Variants in RHBDF2 observed in about 807,000 individuals in gnomAD.
The protein encoded by RHBDF2 is inactive rhomboid protein 2.
Under a neutral mutation model 95.2 loss-of-function variants are expected in RHBDF2, and 38 were observed. That is an observed-to-expected ratio of 0.40 (90% CI 0.31 to 0.52). The LOEUF (loss-of-function observed/expected upper bound fraction) is 0.52, where lower values mean the gene tolerates loss of function less well. Among genes scored for constraint, RHBDF2 ranks in the 20% least tolerant of loss-of-function variants. RHBDF2 has a pLI of 0.56. For missense variants in RHBDF2, 863 were observed against 1,137.7 expected (o/e 0.76, Z 3.47); for synonymous variants, 442 against 462.0 (o/e 0.96, Z 0.55).
At chr17:76,472,928 C>T in intron 17 of RHBDF2, 77 bp downstream of exon 17, 2 of 1,595,256 alleles carry the variant, frequency 1.3e-6, no homozygotes, top group Non-Finnish European at 1.7e-6. Flanking sequence ...ATGCCCTGGC[C>T]CAGGAACCTT....
intron 1 of RHBDF2, 66 bp downstream of exon 1, chr17:76,501,287 G>A (rs1276452095): frequency 1.3e-5 from 2 of 152,194 alleles, no homozygotes; most frequent in Admixed American, 6.5e-5. Context: ...GCACAACCTC[G>A]GGACCCTTCC....
chr17:76,477,490 C>T (rs2073811895), intron 7 of RHBDF2, among the ~76,000 whole-genome samples, 167 bp downstream of exon 7: 1 of 136,492 alleles, frequency 7.3e-6, no homozygotes, highest in African/African-American at 2.6e-5. Flanking sequence ...TTCACCCTAC[C>T]CAACAGAAAG....
intron 2 of RHBDF2, 138 bp from the exon 3 acceptor site, chr17:76,481,683 G>T (rs966226011): frequency 1.4e-6 from 1 of 718,846 alleles, no homozygotes. Context: ...GGCTGGGCGC[G>T]GTGGCTCACG....
Position 76,471,604 on chromosome 17 carries a change from G to C in RHBDF2, c.*29C>G, listed in dbSNP as rs1271297492. 1 of 1,554,892 alleles carries C rather than the reference G, an allele frequency of 6.4e-7. No individual in the cohort carries two copies. Among genetic ancestry groups the C allele is most frequent in the East Asian group, 2.3e-5 (1 of 43,696 alleles). ...TCGCAGGCAGACCCTGTTCCAGCAGGGCTGAGGGGCAGCCGTGTGGCCCAG... is the reference window on the plus strand; with the variant it reads ...TCGCAGGCAGACCCTGTTCCAGCAGCGCTGAGGGGCAGCCGTGTGGCCCAG... On this transcript the variant is annotated 3_prime_UTR_variant, in exon 19 of 19. Coordinates refer to ENST00000675367, the MANE Select transcript of RHBDF2 (RefSeq NM_001005498.4).
At chr17:76,472,413 C>T (rs1401234294) in intron 18 of RHBDF2, 11 of 594,542 alleles carry the variant, frequency 1.9e-5, no homozygotes, top group African/African-American at 7.4e-5. Context: ...TCCTACCGCT[C>T]GACCTGCAGA....
At chr17:76,479,997 T>C (rs1317243161) in intron 3 of RHBDF2, 143 bp from the exon 4 acceptor site, 2 of 987,570 alleles carry the variant, frequency 2.0e-6, no homozygotes, top group African/African-American at 3.5e-5. Flanking sequence ...TTTGGAAATA[T>C]ATATATATAA....
chr17:76,473,900 G>C lies in RHBDF2; in HGVS notation c.1577C>G (p.Thr526Ser). Residue 526 changes from threonine (T) to serine (S), a missense_variant and splice_region_variant, in exon 14 of 19, where the codon ACC becomes AGC. Physicochemically the swap from Thr to Ser is moderately conservative, Grantham distance 58. This residue lies in a region of RHBDF2 where 252 missense variants were observed against 412.2 expected (regional missense o/e 0.61). Transcript: ENST00000675367. ...ACCGCTGGAGGCTGGCTCCTCGCAG[G>C]TCCTGGAGACAGGGTTCAGATTGGG... Reference protein sequence around the residue: ...SGAVCHQDPRTCEEPASSGAH... With the variant: ...SGAVCHQDPRSCEEPASSGAH... The C allele has an allele frequency of 6.2e-7, 1 of 1,613,938 alleles. No individual in the cohort carries two copies. Among genetic ancestry groups the C allele is most frequent in the South Asian group, 1.1e-5 (1 of 91,080 alleles).
At chr17:76,485,943 G>A (rs905591793) in intron 2 of RHBDF2, among the ~76,000 whole-genome samples, 1 of 152,088 alleles carries the variant, frequency 6.6e-6, no homozygotes, top group East Asian at 1.9e-4. Context: ...GCAGGGTAGT[G>A]GTTCTTAGGA....
chr17:76,478,235 A>C (rs2144134748), intron 6 of RHBDF2, among the ~76,000 whole-genome samples: 1 of 152,072 alleles, frequency 6.6e-6, no homozygotes, highest in Non-Finnish European at 1.5e-5. Context: ...AACCACATCA[A>C]ACCGCCTGCT....
At chr17:76,499,064 A>G (rs2144496536) in intron 1 of RHBDF2, among the ~76,000 whole-genome samples, 1 of 152,204 alleles carries the variant, frequency 6.6e-6, no homozygotes, top group Non-Finnish European at 1.5e-5. Flanking sequence ...GCTCACAGCA[A>G]TGGAGGCCAC....
chr17:76,481,887 G>A, intron 2 of RHBDF2: 1 of 203,204 alleles, frequency 4.9e-6, no homozygotes, highest in South Asian at 8.5e-5. Flanking sequence ...GGAGGCAGCG[G>A]TTATAGTAAG....
rs1402886898 is a variant in RHBDF2, at chr17:76,472,694, G to A, written c.2056C>T (p.Arg686Trp). The change falls in exon 18 of 19, where the codon CGG (arginine) becomes TGG (tryptophan). Residue 686 changes from arginine to tryptophan, a missense_variant. Transcript: ENST00000675367. ...ATCCTCCACATCCTTACCTCTGCCC[G>A]GTATGGGAGAAAGATGGCACTGGCG... ...NLASAIFLPY[R>W]AEVGPAGSQF... 2 of 1,614,070 alleles carry A rather than the reference G, an allele frequency of 1.2e-6. No individual in the cohort carries two copies. The highest frequency in any genetic ancestry group is 1.1e-5 in the South Asian group (1 of 91,092).
chr17:76,473,985 G>A (rs765414144), intron 13 of RHBDF2, 48 bp downstream of exon 13: 2 of 1,602,196 alleles, frequency 1.2e-6, no homozygotes, highest in Non-Finnish European at 1.7e-6. Flanking sequence ...GGCTCAGATG[G>A]CATGGCTATG....
Position 76,479,738 on chromosome 17 carries a change from G to C in RHBDF2, c.267C>G (p.Ile89Met). ...TTGGGTGTAGGGGGGCTCACTTGCG[G>C]ATGCTCTGGGACAGTGAGGCCTGGC... Reference protein sequence around the residue: ...FRRQASLSQSIRKGAAQWFGV... With the variant: ...FRRQASLSQSMRKGAAQWFGV... Residue 89 changes from isoleucine to methionine, a missense_variant, in exon 4 of 19, where the codon ATC becomes ATG. Ile to Met is a conservative substitution (Grantham distance 10, BLOSUM62 1). This residue lies in a region of RHBDF2 where 611 missense variants were observed against 725.5 expected (regional missense o/e 0.84). Transcript: ENST00000675367. The C allele has an allele frequency of 6.2e-7, 1 of 1,608,108 alleles. No individual in the cohort carries two copies. Among genetic ancestry groups the C allele is most frequent in the Non-Finnish European group, 8.5e-7 (1 of 1,179,258 alleles).
intron 1 of RHBDF2, among the ~76,000 whole-genome samples, chr17:76,498,096 TAC>T (rs1354482535): frequency 1.3e-5 from 2 of 152,194 alleles, no homozygotes; most frequent in Admixed American, 6.5e-5. Flanking sequence ...TGTTTTTCCT[TAC>T]ACCCATCCTA....
intron 2 of RHBDF2, among the ~76,000 whole-genome samples, chr17:76,483,578 C>G (rs1237291293): frequency 1.3e-5 from 2 of 152,230 alleles, no homozygotes; most frequent in Non-Finnish European, 2.9e-5. Flanking sequence ...AGCCACCACA[C>G]CCGGCCCTAG....
chr17:76,489,424 C>T (rs1457440191), intron 1 of RHBDF2, among the ~76,000 whole-genome samples: 5 of 151,116 alleles, frequency 3.3e-5, no homozygotes, highest in South Asian at 2.1e-4. Flanking sequence ...CCCGGGTTCA[C>T]GCCATTCTCC....
intron 2 of RHBDF2, among the ~76,000 whole-genome samples, chr17:76,482,894 G>A (rs2074013831): frequency 2.0e-5 from 3 of 151,874 alleles, no homozygotes; most frequent in African/African-American, 7.3e-5. Context: ...ACACAGCTGT[G>A]TGTGGTGGCT....
chr17:76,501,172 CG>C (rs2074570616), intron 1 of RHBDF2, 180 bp downstream of exon 1: 1 of 152,226 alleles, frequency 6.6e-6, no homozygotes, highest in Admixed American at 6.5e-5. Flanking sequence ...TGAGCCAGCC[CG>C]GGCCTCCAGC....
Sources: gnomAD v4.1 joint callset for allele counts (sites outside exome capture counted in the v4.1 genomes callset) on GRCh38, gnomAD v4.1.1 for gene constraint, gnomAD v4.1.1 regional missense constraint, MANE v1.5 for transcripts, NCBI Gene and HGNC (gene_info 2026-07-23, HGNC 2026-07-21) for gene names.